The following TTC17 variants were observed in gnomAD, a reference collection of about 807,000 sequenced individuals.
TTC17 encodes the protein tetratricopeptide repeat protein 17.
A neutral mutation model predicts 143.8 loss-of-function variants in TTC17; 58 were observed. The ratio of observed to expected loss-of-function variants is 0.40; its 90% CI spans 0.33 to 0.50. The LOEUF (loss-of-function observed/expected upper bound fraction) is 0.50, where lower values mean the gene tolerates loss of function less well. TTC17 is among the 20% of genes least tolerant of loss of function. The probability of loss-of-function intolerance (pLI) is 0.49; values close to 1 mark genes in which losing one functional copy is unlikely to be tolerated. For missense variants in TTC17, 1,273 were observed against 1,392.5 expected (o/e 0.91, Z 1.37); for synonymous variants, 501 against 497.8 (o/e 1.01, Z -0.09).
intron 21 of TTC17, among the ~76,000 whole-genome samples, chr11:43,461,024 C>A (rs969358476): frequency 3.0e-4 from 45 of 152,212 alleles, no homozygotes; most frequent in African/African-American, 1.1e-3. Flanking sequence ...TGTGTCCCAT[C>A]GTTAATTCAC....
chr11:43,481,916 T>C (rs958226832), intron 21 of TTC17, among the ~76,000 whole-genome samples: 1 of 152,096 alleles, frequency 6.6e-6, no homozygotes, highest in Admixed American at 6.6e-5. Flanking sequence ...TTCAAGTGAT[T>C]CTCGTGCCTC....
At chr11:43,467,512 G>A (rs1947999789) in intron 21 of TTC17, among the ~76,000 whole-genome samples, 1 of 152,226 alleles carries the variant, frequency 6.6e-6, no homozygotes, top group Non-Finnish European at 1.5e-5. Context: ...GCCAGCAACT[G>A]GGAGGAAGGG....
intron 15 of TTC17, among the ~76,000 whole-genome samples, chr11:43,409,413 C>T (rs1858299826): frequency 1.3e-5 from 2 of 152,142 alleles, no homozygotes; most frequent in Non-Finnish European, 2.9e-5. Flanking sequence ...ATGGTTGGGC[C>T]AGTATATATT....
At chr11:43,374,735 A>G (rs888726283) in intron 1 of TTC17, among the ~76,000 whole-genome samples, 5 of 148,396 alleles carry the variant, frequency 3.4e-5, no homozygotes, top group African/African-American at 1.2e-4. Flanking sequence ...CAGAATGACT[A>G]TTATTAAAAA....
intron 15 of TTC17, among the ~76,000 whole-genome samples, chr11:43,413,661 C>T (rs1050556550): frequency 1.3e-4 from 20 of 151,128 alleles, no homozygotes; most frequent in Non-Finnish European, 2.2e-4. Context: ...GAGAAAAGAA[C>T]AGGCACTTCA....
At chr11:43,487,898 G>C (rs892452523) in intron 21 of TTC17, among the ~76,000 whole-genome samples, 2 of 152,158 alleles carry the variant, frequency 1.3e-5, no homozygotes, top group African/African-American at 2.4e-5. Context: ...TGGTGTGTCT[G>C]TCCTTCTTCT....
chr11:43,413,413 TA>T (rs1946702523), intron 15 of TTC17, among the ~76,000 whole-genome samples: 1 of 152,162 alleles, frequency 6.6e-6, no homozygotes, highest in African/African-American at 2.4e-5. Context: ...AGAAAGTCTT[TA>T]TGACCTTGCA....
At chr11:43,399,363 T>C (rs1454326953) in intron 8 of TTC17, among the ~76,000 whole-genome samples, 2 of 152,198 alleles carry the variant, frequency 1.3e-5, no homozygotes, top group Non-Finnish European at 2.9e-5. Context: ...ATATACCATT[T>C]GATGTCATGA....
At chr11:43,457,781 A>T (rs536515386) in intron 21 of TTC17, among the ~76,000 whole-genome samples, 22 of 152,168 alleles carry the variant, frequency 1.4e-4, no homozygotes, top group Non-Finnish European at 2.9e-4. Flanking sequence ...AAAATAAGGG[A>T]GTGTGGGGAT....
At chr11:43,420,463 C>T (rs1159273152) in intron 16 of TTC17, among the ~76,000 whole-genome samples, 1 of 152,126 alleles carries the variant, frequency 6.6e-6, no homozygotes. Context: ...CAAGAGCATA[C>T]CTAAAATGGT....
intron 21 of TTC17, chr11:43,466,398 A>T (rs1281881251): frequency 1.3e-5 from 2 of 157,882 alleles, no homozygotes; most frequent in Non-Finnish European, 2.8e-5. Flanking sequence ...GGCCATGGTC[A>T]TCCCGACTGT....
chr11:43,429,315 A>T (rs933480139), intron 16 of TTC17, among the ~76,000 whole-genome samples: 4 of 152,224 alleles, frequency 2.6e-5, no homozygotes, highest in African/African-American at 9.6e-5. Context: ...CCAAGGCAGG[A>T]TTTGAATTTA....
At chr11:43,385,277 G>A (rs991361659) in intron 2 of TTC17, among the ~76,000 whole-genome samples, 3 of 152,126 alleles carry the variant, frequency 2.0e-5, no homozygotes, top group African/African-American at 7.2e-5. Context: ...AACATACAGT[G>A]TTTTCAAGTA....
At chr11:43,456,679 T>C (rs2134774592) in intron 21 of TTC17, among the ~76,000 whole-genome samples, 1 of 152,296 alleles carries the variant, frequency 6.6e-6, no homozygotes, top group South Asian at 2.1e-4. Flanking sequence ...TCCCTGCCTA[T>C]GCCCCCAGCA....
chr11:43,469,099 T>C (rs1237226097), intron 21 of TTC17, among the ~76,000 whole-genome samples: 2 of 152,158 alleles, frequency 1.3e-5, no homozygotes, highest in African/African-American at 2.4e-5. Context: ...AATATATGTG[T>C]AGTAATTACA....
intron 16 of TTC17, among the ~76,000 whole-genome samples, chr11:43,431,918 C>T (rs1340225584): frequency 1.3e-5 from 2 of 152,190 alleles, no homozygotes; most frequent in African/African-American, 4.8e-5. Flanking sequence ...TACCCATAAC[C>T]ACTGCTCTAA....
At chr11:43,402,907 A>G (rs1486559280) in intron 10 of TTC17, among the ~76,000 whole-genome samples, 4 of 152,180 alleles carry the variant, frequency 2.6e-5, no homozygotes, top group Non-Finnish European at 5.9e-5. Context: ...ACAAACCACA[A>G]AAACTTAGAA....
At position 43,448,116 on chromosome 11, in the gene TTC17, A is replaced by G. The variant is rs753981256; in HGVS notation, c.2780A>G (p.Asn927Ser). ...ACCTGGCTTGCAGTTTCTTCAAAAA[A>G]CATTGAGTAAGTATGTTAAGCCTCT... ...VSTWLAVSSK[N>S]IDITEHIDFA... The change falls in exon 19 of 24, where the codon AAC (asparagine) becomes AGC (serine). Residue 927 changes from asparagine (N) to serine (S), a missense_variant. Asn to Ser is a conservative substitution (Grantham distance 46). Coordinates refer to ENST00000039989, the MANE Select transcript of TTC17 (RefSeq NM_018259.6). 19 of 1,613,936 alleles carry G rather than the reference A, an allele frequency of 1.2e-5. 1 individual carries two copies. Among genetic ancestry groups the G allele is most frequent in the Middle Eastern group, 1.6e-4 (1 of 6,082 alleles).
intron 15 of TTC17, among the ~76,000 whole-genome samples, chr11:43,408,769 T>C (rs1858263135): frequency 6.6e-6 from 1 of 152,120 alleles, no homozygotes; most frequent in South Asian, 2.1e-4. Flanking sequence ...TGAGACAGGT[T>C]CTTGCTCTGT....
Sources: allele counts gnomAD v4.1 joint callset (sites outside exome capture counted in the v4.1 genomes callset), GRCh38; gene constraint gnomAD v4.1.1; transcripts MANE v1.5; gene names NCBI Gene and HGNC (gene_info 2026-07-23, HGNC 2026-07-21).